The following OASL variants were observed in gnomAD, a reference collection of about 807,000 sequenced individuals.
The protein encoded by OASL is 2'-5'-oligoadenylate synthase-like protein.
OASL carries 28 observed loss-of-function variants against 35.3 expected under a neutral mutation model. The observed-to-expected ratio is 0.79, with a 90% confidence interval of 0.59 to 1.09. The LOEUF is 1.09. Among genes scored for constraint, OASL ranks in the 50% least tolerant of loss-of-function variants. The pLI is 0.00. For synonymous variants in OASL, 252 were observed against 254.6 expected, an observed-to-expected ratio of 0.99 and a Z score of 0.10; for missense variants, 620 against 635.2, an observed-to-expected ratio of 0.98 and a Z score of 0.26.
chr12:121,025,730 C>G lies in OASL; in HGVS notation c.900-1593G>C, dbSNP rs997767725. ...TGAGCCAAGATCGTGCCACTGAACT[C>G]CAGCCTAGGTGACAGAGCAAGACTC... On this transcript the variant is annotated intron_variant, in intron 4 of 5. Coordinates refer to ENST00000257570, the Ensembl canonical transcript of OASL. Among the ~76,000 whole-genome samples, 4 of 151,442 alleles carry G rather than the reference C, an allele frequency of 2.6e-5. No individual in the cohort carries two copies. In the East Asian group the frequency reaches 7.8e-4, roughly 29 times the overall value.
At position 121,039,034 on chromosome 12, in the gene OASL, C is replaced by A. The variant is rs559152850; in HGVS notation, c.-63G>T. On this transcript the variant is annotated 5_prime_UTR_variant, in exon 1 of 6. Transcript: ENST00000257570. Reference sequence around the variant, plus strand: ...GCCAGGCTCCTACCCAGCTCCCTGGCACACACCTCCTTTTTTAAGGTAGCT... The same window carrying A: ...GCCAGGCTCCTACCCAGCTCCCTGGAACACACCTCCTTTTTTAAGGTAGCT... 7.2e-6 allele frequency: 10 copies of A among 1,382,704 alleles called. No individual in the cohort carries two copies. In the South Asian group the frequency reaches 9.4e-5, roughly 13 times the overall value. The allele number at this position is 1,382,704 out of a possible 1,614,324, so 85.7% of individuals were successfully genotyped here.
At chr12:121,037,870 T>C (rs1870017373) in intron 1 of OASL, among the ~76,000 whole-genome samples, 1 of 151,966 alleles carries the variant, frequency 6.6e-6, no homozygotes, top group South Asian at 2.1e-4. Flanking sequence ...GGTGGGCATA[T>C]TCTTGATCCC....
chr12:121,031,578 T>C (rs34041117), exon 3 of OASL: 107 of 1,613,878 alleles, frequency 6.6e-5, no homozygotes, highest in Non-Finnish European at 1.9e-5. Context: ...CAGGCTCACA[T>C]AGACCTCAGG....
rs112982500 is a variant in OASL, at chr12:121,020,572, G to A, written c.1534C>T (p.Pro512Ser). Reference sequence around the variant, plus strand: ...TCTCCCAGAGAAAACTAACTGGCTGGAAACAGAGCCTCTCCTTTCTTCTTC... The same window carrying A: ...TCTCCCAGAGAAAACTAACTGGCTGAAAACAGAGCCTCTCCTTTCTTCTTC... Residue 512 changes from proline to serine, a missense_variant, in exon 6 of 6, where the codon CCA becomes TCA. Coordinates refer to ENST00000257570, the Ensembl canonical transcript of OASL. 17 of 1,601,646 alleles carry A rather than the reference G, an allele frequency of 1.1e-5. 1 individual carries two copies. In the African/African-American group the frequency reaches 1.3e-4, roughly 13 times the overall value.
exon 3 of OASL, chr12:121,031,466 G>A: frequency 2.5e-6 from 4 of 1,613,722 alleles, no homozygotes; most frequent in Non-Finnish European, 3.4e-6. Context: ...GTTTCACCAG[G>A]CGCAGGAGGC....
At chr12:121,031,502 C>T (rs1869729266) in exon 3 of OASL, 1 of 1,613,960 alleles carries the variant, frequency 6.2e-7, no homozygotes, top group Non-Finnish European at 8.5e-7. Context: ...GCCGATGTTT[C>T]ACGAAATTTC....
intron 1 of OASL, 82 bp from the exon 2 acceptor site, chr12:121,033,825 C>A: frequency 6.9e-7 from 1 of 1,450,956 alleles, no homozygotes. Flanking sequence ...TGCACTGTCT[C>A]ACTGAATGCT....
chr12:121,018,856 C>T (rs867839321), downstream of OASL, among the ~76,000 whole-genome samples: 27 of 121,774 alleles, frequency 2.2e-4, no homozygotes, highest in African/African-American at 8.1e-4. Context: ...GGTGACAGAG[C>T]GAGACTCCAT....
At chr12:121,035,839 T>C (rs867581127) in intron 1 of OASL, among the ~76,000 whole-genome samples, 1 of 152,082 alleles carries the variant, frequency 6.6e-6, no homozygotes, top group Middle Eastern at 3.4e-3. Flanking sequence ...AAGGACACAT[T>C]CCCCCCGAAG....
At chr12:121,026,960 C>T (rs919906478) in intron 4 of OASL, among the ~76,000 whole-genome samples, 4 of 151,952 alleles carry the variant, frequency 2.6e-5, no homozygotes, top group Non-Finnish European at 5.9e-5. Flanking sequence ...GTGGAGGGCT[C>T]TTCTCAGAGT....
At chr12:121,028,134 T>C (rs1012205731) in intron 3 of OASL, among the ~76,000 whole-genome samples, 17 of 152,230 alleles carry the variant, frequency 1.1e-4, no homozygotes, top group African/African-American at 4.1e-4. Flanking sequence ...TCTATTTTAA[T>C]GTATTGAGCT....
intron 3 of OASL, among the ~76,000 whole-genome samples, chr12:121,030,942 G>T (rs1377475541): frequency 6.6e-6 from 1 of 151,742 alleles, no homozygotes; most frequent in African/African-American, 2.4e-5. Context: ...AAACCAGGCT[G>T]GTCAACATAG....
intron 4 of OASL, among the ~76,000 whole-genome samples, chr12:121,025,536 G>A (rs1017148452): frequency 6.6e-6 from 1 of 151,664 alleles, no homozygotes; most frequent in Admixed American, 6.6e-5. Flanking sequence ...GGGCCGAGGT[G>A]GGCAGATCAC....
At chr12:121,020,807 C>G (rs1245256414) in exon 6 of OASL, 1 of 1,614,072 alleles carries the variant, frequency 6.2e-7, no homozygotes, top group East Asian at 2.2e-5. Context: ...AGACCTGGAT[C>G]TCGGAGGGGA....
intron 3 of OASL, 143 bp downstream of exon 3, chr12:121,031,299 C>A: frequency 1.4e-6 from 1 of 737,628 alleles, no homozygotes; most frequent in Non-Finnish European, 2.2e-6. Flanking sequence ...TTTCACTTTA[C>A]ATTTCAAAAG....
chr12:121,031,990 A>T (rs1171046265), intron 2 of OASL, among the ~76,000 whole-genome samples: 1 of 152,130 alleles, frequency 6.6e-6, no homozygotes. Flanking sequence ...TAGGAGTTTG[A>T]AATCAGCCTG....
chr12:121,033,644 G>T (rs1205058570), exon 2 of OASL: 4 of 1,614,164 alleles, frequency 2.5e-6, no homozygotes, highest in Non-Finnish European at 2.5e-6. Context: ...TCTTTGTGAT[G>T]CTTGGCTGCC....
chr12:121,033,794 C>A, intron 1 of OASL, 51 bp from the exon 2 acceptor site: 2 of 1,583,520 alleles, frequency 1.3e-6, no homozygotes, highest in Admixed American at 1.7e-5. Context: ...ATGAGCCAGG[C>A]AACCCCTGCG....
intron 4 of OASL, among the ~76,000 whole-genome samples, 190 bp downstream of exon 4, chr12:121,027,386 A>G (rs890373439): frequency 6.6e-6 from 1 of 152,210 alleles, no homozygotes; most frequent in African/African-American, 2.4e-5. Context: ...TACCCGCCCC[A>G]TGGCCCCCCA....
Sources: gnomAD v4.1 joint callset for allele counts (sites outside exome capture counted in the v4.1 genomes callset) on GRCh38, gnomAD v4.1.1 for gene constraint, MANE v1.5 for transcripts, NCBI Gene and HGNC (gene_info 2026-07-23, HGNC 2026-07-21) for gene names.